B3GAT2: variants seen among roughly 807,000 people sequenced by gnomAD.
B3GAT2 encodes the protein galactosylgalactosylxylosylprotein 3-beta-glucuronosyltransferase 2.
Under a neutral mutation model 27.8 loss-of-function variants are expected in B3GAT2, and 26 were observed. That is an observed-to-expected ratio of 0.93 (90% CI 0.68 to 1.30). The LOEUF is 1.30. Ranked by LOEUF, B3GAT2 falls within the 50% of genes most tolerant of loss-of-function variation. The pLI is 0.00. For missense variants in B3GAT2, 458 were observed against 459.0 expected, an observed-to-expected ratio of 1.00 and a Z score of 0.02; for synonymous variants, 218 against 195.1, an observed-to-expected ratio of 1.12 and a Z score of -0.98.
intron 1 of B3GAT2, among the ~76,000 whole-genome samples, chr6:70,912,405 G>C (rs1772702376): frequency 6.6e-6 from 1 of 151,994 alleles, no homozygotes; most frequent in Non-Finnish European, 1.5e-5. Context: ...TTTCTTTTTA[G>C]TTCTGTTCAT....
intron 1 of B3GAT2, among the ~76,000 whole-genome samples, chr6:70,936,208 C>T (rs1765278372): frequency 6.6e-6 from 1 of 152,028 alleles, no homozygotes; most frequent in Admixed American, 6.6e-5. Flanking sequence ...GCTAACTATC[C>T]TAAATATAAA....
intron 2 of B3GAT2, among the ~76,000 whole-genome samples, chr6:70,886,768 G>C (rs754329982): frequency 6.6e-6 from 1 of 152,308 alleles, no homozygotes; most frequent in Admixed American, 6.5e-5. Flanking sequence ...ACACAGTACT[G>C]TGGGCATCAA....
intron 2 of B3GAT2, among the ~76,000 whole-genome samples, chr6:70,874,295 G>C (rs1193746910): frequency 6.6e-6 from 1 of 152,192 alleles, no homozygotes; most frequent in African/African-American, 2.4e-5. Flanking sequence ...GGGCAATGAA[G>C]TCTGTGTTCA....
At chr6:70,872,462 T>A (rs1015053133) in intron 2 of B3GAT2, among the ~76,000 whole-genome samples, 3 of 151,786 alleles carry the variant, frequency 2.0e-5, no homozygotes, top group Admixed American at 2.0e-4. Flanking sequence ...ACAGTTCGTC[T>A]TAAAGTCTAT....
At chr6:70,952,701 C>A (rs532772558) in intron 1 of B3GAT2, among the ~76,000 whole-genome samples, 1 of 152,178 alleles carries the variant, frequency 6.6e-6, no homozygotes, top group Non-Finnish European at 1.5e-5. Context: ...AAAAACCCCA[C>A]CACCTCCTTC....
chr6:70,914,688 T>G (rs923554823), intron 1 of B3GAT2, among the ~76,000 whole-genome samples: 1 of 152,184 alleles, frequency 6.6e-6, no homozygotes, highest in Non-Finnish European at 1.5e-5. Flanking sequence ...ACATTCCTTC[T>G]TGATATCCTT....
In B3GAT2 at chr6:70,956,343, C is replaced by A. The variant is rs1250777649; in HGVS notation, c.87G>T (p.Arg29Ser). ...VIIMLDVDTR[R>S]PVPPLTPRPY... ...GGCGCGGGGTGAGCGGGGGCACTGG[C>A]CTGCGCGTGTCCACGTCGAGCATGA... is the stretch of plus-strand genomic sequence containing the variant. Residue 29 changes from arginine to serine, a missense_variant, in exon 1 of 4, where the codon AGG (arginine) becomes AGT (serine). Transcript: ENST00000230053. 1 of 1,572,154 alleles carries A rather than the reference C, an allele frequency of 6.4e-7. No homozygotes were observed. Among genetic ancestry groups the A allele is most frequent in the Non-Finnish European group, 8.6e-7 (1 of 1,158,236 alleles).
chr6:70,895,391 AGAAAT>A (rs2150032217), intron 1 of B3GAT2, among the ~76,000 whole-genome samples: 1 of 152,284 alleles, frequency 6.6e-6, no homozygotes, highest in African/African-American at 2.4e-5. Flanking sequence ...CAAATACAAT[AGAAAT>A]GAAAGTCACA....
At chr6:70,953,005 C>A (rs1765599218) in intron 1 of B3GAT2, among the ~76,000 whole-genome samples, 1 of 152,156 alleles carries the variant, frequency 6.6e-6, no homozygotes, top group Non-Finnish European at 1.5e-5. Flanking sequence ...CTAATTTGTA[C>A]GTGGTTCATT....
intron 2 of B3GAT2, among the ~76,000 whole-genome samples, chr6:70,883,293 TCACA>T (rs1772127578): frequency 6.6e-6 from 1 of 152,194 alleles, no homozygotes; most frequent in Non-Finnish European, 1.5e-5. Context: ...GCAACATTAT[TCACA>T]GTAGCCAAAA....
chr6:70,915,001 C>T (rs945192448), intron 1 of B3GAT2, among the ~76,000 whole-genome samples: 68 of 152,046 alleles, frequency 4.5e-4, no homozygotes, highest in African/African-American at 1.6e-3. Flanking sequence ...ACAATGGTTG[C>T]ACTAATTTAC....
chr6:70,948,906 C>T (rs112409782), intron 1 of B3GAT2, among the ~76,000 whole-genome samples: 18 of 152,124 alleles, frequency 1.2e-4, no homozygotes, highest in African/African-American at 3.6e-4. Context: ...AATAACGCTG[C>T]ATATCTACAA....
Position 70,857,947 on chromosome 6 carries a change from A to G in B3GAT2, c.*3716T>C, listed in dbSNP as rs1219792847. On this transcript the variant is annotated 3_prime_UTR_variant, in exon 4 of 4. Coordinates refer to ENST00000230053, the MANE Select transcript of B3GAT2 (RefSeq NM_080742.3). The stretch of plus-strand genomic sequence containing the variant: ...GTGTATTTATGGGACCCACAAATAT[A>G]CCATTTACCTCACAAGCACCAGCTG... 7 of 1,613,980 alleles carry G rather than the reference A, an allele frequency of 4.3e-6. No homozygotes were observed. In the African/African-American group the frequency reaches 8.0e-5, roughly 18 times the overall value.
At chr6:70,865,721 CT>C (rs1214936871) in intron 2 of B3GAT2, among the ~76,000 whole-genome samples, 1 of 152,166 alleles carries the variant, frequency 6.6e-6, no homozygotes, top group Non-Finnish European at 1.5e-5. Flanking sequence ...GTCCAACAAG[CT>C]ATTTACATTT....
rs987713823 is a variant in B3GAT2, at chr6:70,894,130, G to C, written c.734C>G (p.Ala245Gly). The stretch of plus-strand genomic sequence containing the variant: ...ATGTCATCACCCACACTGCTCACCT[G>C]CCATGTCGATGGCAAAAGGCCTGTC... The part of the protein sequence containing the change: ...RADRPFAIDM[A>G]GFAVSLQVIL... Residue 245 changes from alanine (A) to glycine (G), a missense_variant and splice_region_variant, in exon 2 of 4, where the codon GCA (alanine) becomes GGA (glycine). Coordinates refer to ENST00000230053, the MANE Select transcript of B3GAT2 (RefSeq NM_080742.3). The C allele has an allele frequency of 6.2e-7, 1 of 1,609,416 alleles. No homozygotes were observed. Among genetic ancestry groups the C allele is most frequent in the Non-Finnish European group, 8.5e-7 (1 of 1,177,650 alleles).
chr6:70,946,378 G>A (rs1278092489), intron 1 of B3GAT2, among the ~76,000 whole-genome samples: 1 of 151,974 alleles, frequency 6.6e-6, no homozygotes, highest in African/African-American at 2.4e-5. Flanking sequence ...ATAAAAGGAT[G>A]GAAGAAGATC....
intron 2 of B3GAT2, among the ~76,000 whole-genome samples, chr6:70,869,713 A>G (rs1771904207): frequency 6.6e-6 from 1 of 152,218 alleles, no homozygotes; most frequent in Non-Finnish European, 1.5e-5. Context: ...TAGTGTATAT[A>G]AATACAATTG....
intron 1 of B3GAT2, among the ~76,000 whole-genome samples, chr6:70,936,450 AT>A (rs1226145660): frequency 1.3e-5 from 2 of 151,754 alleles, no homozygotes; most frequent in African/African-American, 2.4e-5. Flanking sequence ...CAGAAAATAC[AT>A]TTTTTTCAGC....
Position 70,860,903 on chromosome 6 carries a change from C to T in B3GAT2, c.*760G>A. On this transcript the variant is annotated 3_prime_UTR_variant, in exon 4 of 4. Coordinates refer to ENST00000230053, the MANE Select transcript of B3GAT2 (RefSeq NM_080742.3). ...AAGGAAGATAAACGTGGATGTTACT[C>T]CAAAACTTCGTTTAATGAATGCTTA... 2.6e-6 allele frequency: 1 copy of T among 388,216 alleles called. No homozygotes were observed. Among genetic ancestry groups the T allele is most frequent in the Non-Finnish European group, 4.6e-6 (1 of 219,548 alleles). The allele number at this position is 388,216 out of a possible 1,614,324, so 24.0% of individuals were successfully genotyped here. A position where few individuals can be genotyped will look rare whatever the true frequency, so the allele number is the denominator to read the frequency against.
Sources: allele counts gnomAD v4.1 joint callset (sites outside exome capture counted in the v4.1 genomes callset), GRCh38; gene constraint gnomAD v4.1.1; transcripts MANE v1.5; gene names NCBI Gene and HGNC (gene_info 2026-07-23, HGNC 2026-07-21).